Variants in TBC1D32 observed in about 807,000 individuals in gnomAD.
The protein encoded by TBC1D32 is protein broad-minded.
TBC1D32 carries 151 observed loss-of-function variants against 170.3 expected under a neutral mutation model. That is an observed-to-expected ratio of 0.89 (90% CI 0.78 to 1.01). The LOEUF (loss-of-function observed/expected upper bound fraction) is 1.01, where lower values mean the gene tolerates loss of function less well. Among genes scored for constraint, TBC1D32 ranks in the 50% least tolerant of loss-of-function variants. TBC1D32 has a pLI of 0.00. For synonymous variants in TBC1D32, 498 were observed against 488.0 expected (o/e 1.02, Z -0.27); for missense variants, 1,464 against 1,457.1 (o/e 1.00, Z -0.08).
intron 31 of TBC1D32, among the ~76,000 whole-genome samples, chr6:121,082,024 C>T (rs986218363): frequency 6.6e-6 from 1 of 151,968 alleles, no homozygotes; most frequent in African/African-American, 2.4e-5. Context: ...GAACAAATAC[C>T]TTCCAATGTA....
At chr6:121,270,695 G>C (rs754706418) in intron 15 of TBC1D32, among the ~76,000 whole-genome samples, 15 of 152,068 alleles carry the variant, frequency 9.9e-5, no homozygotes, top group African/African-American at 7.3e-5. Context: ...AAGAGGAGCT[G>C]GTACCATTAC....
At chr6:121,155,340 C>A (rs1784749124) in intron 24 of TBC1D32, among the ~76,000 whole-genome samples, 1 of 151,998 alleles carries the variant, frequency 6.6e-6, no homozygotes, top group African/African-American at 2.4e-5. Context: ...GACTTTTGTT[C>A]ATTGATTTTT....
intron 26 of TBC1D32, among the ~76,000 whole-genome samples, chr6:121,124,291 T>C (rs915082866): frequency 4.6e-5 from 7 of 152,244 alleles, no homozygotes; most frequent in Admixed American, 3.3e-4. Context: ...ATAGCTTTCC[T>C]GGATATGGTA....
chr6:121,250,011 A>G (rs757440060), intron 17 of TBC1D32, among the ~76,000 whole-genome samples: 5 of 152,108 alleles, frequency 3.3e-5, no homozygotes, highest in Non-Finnish European at 7.4e-5. Flanking sequence ...GCCAATAAAG[A>G]GCCCACACAG....
intron 15 of TBC1D32, among the ~76,000 whole-genome samples, chr6:121,259,205 G>A (rs761282150): frequency 6.6e-6 from 1 of 152,010 alleles, no homozygotes; most frequent in Non-Finnish European, 1.5e-5. Flanking sequence ...GGCTGAGGCA[G>A]GAGAATCGCT....
intron 24 of TBC1D32, among the ~76,000 whole-genome samples, chr6:121,145,707 T>C (rs1043812579): frequency 2.0e-5 from 3 of 152,188 alleles, no homozygotes; most frequent in Non-Finnish European, 2.9e-5. Context: ...ATGTTGTACA[T>C]GATAAATATA....
intron 24 of TBC1D32, among the ~76,000 whole-genome samples, chr6:121,144,282 G>T (rs1783149788): frequency 6.6e-6 from 1 of 152,130 alleles, no homozygotes; most frequent in Admixed American, 6.5e-5. Flanking sequence ...CTACAGGGAA[G>T]TCACTGAAGG....
intron 22 of TBC1D32, among the ~76,000 whole-genome samples, chr6:121,187,315 T>A (rs1298263542): frequency 6.6e-6 from 1 of 152,118 alleles, no homozygotes; most frequent in African/African-American, 2.4e-5. Context: ...TCTGAAAGCA[T>A]AACTAAGTCT....
intron 30 of TBC1D32, chr6:121,096,390 T>G (rs1231822009): frequency 6.6e-6 from 1 of 152,068 alleles, no homozygotes; most frequent in East Asian, 1.9e-4. Context: ...CAAGCATTCC[T>G]ATACACCAAT....
At chr6:121,130,340 G>T (rs1007959696) in intron 25 of TBC1D32, among the ~76,000 whole-genome samples, 4 of 152,052 alleles carry the variant, frequency 2.6e-5, no homozygotes, top group Admixed American at 6.6e-5. Flanking sequence ...AAATTAACTA[G>T]GTGTCGTGAC....
intron 9 of TBC1D32, among the ~76,000 whole-genome samples, chr6:121,300,041 T>C (rs1244504368): frequency 2.6e-5 from 4 of 152,200 alleles, no homozygotes; most frequent in Admixed American, 6.5e-5. Flanking sequence ...AATTAAAACA[T>C]GTAAATGCAT....
At position 121,116,170 on chromosome 6, in the gene TBC1D32, GT is replaced by G. The variant is rs879378155; in HGVS notation, c.2984-930del. Among the ~76,000 whole-genome samples, 893 of 142,244 alleles carry G rather than the reference GT, an allele frequency of 6.3e-3. 9 individuals are homozygous for G. Among genetic ancestry groups the G allele is most frequent in the African/African-American group, 0.02 (796 of 39,130 alleles). 93.3% of individuals were successfully genotyped at this position (142,244 alleles called of 152,430 possible). ...ACCTAGGTTTTCAGAATATCATGAAGTTTTTTTTTTTTTTCCTTCATTACAC... is the reference window on the plus strand; with the variant it reads ...ACCTAGGTTTTCAGAATATCATGAAGTTTTTTTTTTTTTCCTTCATTACAC... On this transcript the variant is annotated intron_variant, in intron 26 of 31. Transcript: ENST00000398212.
intron 20 of TBC1D32, among the ~76,000 whole-genome samples, chr6:121,227,724 A>C (rs777875731): frequency 5.9e-5 from 9 of 152,118 alleles, no homozygotes; most frequent in Non-Finnish European, 1.0e-4. Context: ...ATAGTATTTT[A>C]AAAAAACATT....
chr6:121,242,456 G>T, intron 17 of TBC1D32, 117 bp from the exon 18 acceptor site: 1 of 906,308 alleles, frequency 1.1e-6, no homozygotes, highest in Non-Finnish European at 1.6e-6. Context: ...GTATATATTG[G>T]TTGCAAATTA....
intron 2 of TBC1D32, among the ~76,000 whole-genome samples, chr6:121,320,683 A>C (rs17083421): frequency 0.052 from 7,867 of 152,220 alleles, 402 homozygotes; most frequent in East Asian, 0.12. Flanking sequence ...TATGATGTCA[A>C]TTTGTCAATT....
Position 121,284,231 on chromosome 6 carries a change from G to A in TBC1D32, c.1373-321C>T, listed in dbSNP as rs186944809. On this transcript the variant is annotated intron_variant, in intron 12 of 31. Coordinates refer to ENST00000398212, the MANE Select transcript of TBC1D32 (RefSeq NM_152730.6). ...GCTATTTGAGTTTATTCAATTAGGAGTAGTAAAATTCAGCTTACCAAGTTG... is the reference window on the plus strand; with the variant it reads ...GCTATTTGAGTTTATTCAATTAGGAATAGTAAAATTCAGCTTACCAAGTTG... Among the ~76,000 whole-genome samples the A allele has an allele frequency of 3.2e-4, 48 of 152,148 alleles. No homozygotes were observed. In the East Asian group the frequency reaches 8.1e-3, roughly 26 times the overall value.
At chr6:121,295,505 T>C (rs1425900701) in intron 10 of TBC1D32, among the ~76,000 whole-genome samples, 4 of 152,008 alleles carry the variant, frequency 2.6e-5, no homozygotes, top group South Asian at 2.1e-4. Context: ...ATTTAAAAAA[T>C]AGACCAGCAA....
chr6:121,133,669 A>G (rs1781693394), intron 24 of TBC1D32, among the ~76,000 whole-genome samples: 2 of 152,082 alleles, frequency 1.3e-5, no homozygotes, highest in Admixed American at 6.6e-5. Context: ...AGCTACATAC[A>G]TACTCTCTCA....
At chr6:121,207,344 C>G (rs75037826) in intron 21 of TBC1D32, among the ~76,000 whole-genome samples, 4,158 of 152,194 alleles carry the variant, frequency 0.027, 153 homozygotes, top group African/African-American at 0.087. Flanking sequence ...TTGATAGCCA[C>G]TGACATCTTG....
Sources: allele counts gnomAD v4.1 joint callset (sites outside exome capture counted in the v4.1 genomes callset), GRCh38; gene constraint gnomAD v4.1.1; transcripts MANE v1.5; gene names NCBI Gene and HGNC (gene_info 2026-07-23, HGNC 2026-07-21).